The following FBXL17 variants were observed in gnomAD, a reference collection of about 807,000 sequenced individuals.
FBXL17 encodes F-box and leucine rich repeat protein 17, also known as F-box/LRR-repeat protein 17.
Under a neutral mutation model 66.2 loss-of-function variants are expected in FBXL17, and 22 were observed. That is an observed-to-expected ratio of 0.33 (90% confidence interval 0.24 to 0.47). FBXL17 has a LOEUF of 0.47. FBXL17 is among the 20% of genes least tolerant of loss of function. The pLI is 1.00. For synonymous variants in FBXL17, 474 were observed against 400.5 expected (o/e 1.18, Z -2.19); for missense variants, 878 against 948.2 (o/e 0.93, Z 0.97).
chr5:108,091,952 A>G (rs1405702109), intron 6 of FBXL17, among the ~76,000 whole-genome samples: 3 of 152,226 alleles, frequency 2.0e-5, no homozygotes, highest in Non-Finnish European at 4.4e-5. Context: ...AATATATAAC[A>G]GCATGTTTTC....
At chr5:108,126,810 T>G (rs1022896530) in intron 6 of FBXL17, among the ~76,000 whole-genome samples, 5 of 151,654 alleles carry the variant, frequency 3.3e-5, no homozygotes, top group Non-Finnish European at 2.9e-5. Context: ...TAGTCTATTC[T>G]TTAATTCACC....
intron 6 of FBXL17, among the ~76,000 whole-genome samples, chr5:108,078,470 G>A (rs2149916155): frequency 6.6e-6 from 1 of 152,286 alleles, no homozygotes; most frequent in East Asian, 1.9e-4. Flanking sequence ...CAGAAAGCCA[G>A]CAAACAGAAG....
intron 4 of FBXL17, among the ~76,000 whole-genome samples, chr5:108,250,597 T>G (rs762794111): frequency 1.6e-4 from 25 of 152,098 alleles, no homozygotes; most frequent in Non-Finnish European, 1.3e-4. Flanking sequence ...GATGAAGAGA[T>G]AGAAATTCTG....
At chr5:108,179,300 G>C (rs1752910621) in intron 6 of FBXL17, among the ~76,000 whole-genome samples, 1 of 152,098 alleles carries the variant, frequency 6.6e-6, no homozygotes, top group African/African-American at 2.4e-5. Context: ...AGGGGAGTTA[G>C]AAAAATCTTT....
chr5:108,057,384 A>G (rs1370630820), intron 6 of FBXL17, among the ~76,000 whole-genome samples: 1 of 152,206 alleles, frequency 6.6e-6, no homozygotes, highest in Non-Finnish European at 1.5e-5. Flanking sequence ...TCATGTAGGA[A>G]TTTAAAGACA....
At chr5:108,182,933 T>A (rs1753064629) in intron 6 of FBXL17, among the ~76,000 whole-genome samples, 1 of 152,228 alleles carries the variant, frequency 6.6e-6, no homozygotes, top group South Asian at 2.1e-4. Context: ...GTATCTTATT[T>A]ATCAATTATA....
At position 108,123,751 on chromosome 5, in the gene FBXL17, T is replaced by A. The variant is rs369305655; in HGVS notation, c.1745+62366A>T. Among the ~76,000 whole-genome samples, 38 of 152,188 alleles carry A rather than the reference T, an allele frequency of 2.5e-4. No homozygotes were observed. In the South Asian group the frequency reaches 7.7e-3, roughly 31 times the overall value. On this transcript the variant is annotated intron_variant, in intron 6 of 8. Coordinates refer to ENST00000542267, the MANE Select transcript of FBXL17 (RefSeq NM_001163315.3). ...ACCAATGGAGCACACACAAAAAAAA[T>A]CACTGCAAAATATGAGATCTCCTAG...
chr5:107,933,766 T>C (rs1750806687), intron 7 of FBXL17, among the ~76,000 whole-genome samples: 2 of 152,162 alleles, frequency 1.3e-5, no homozygotes, highest in Non-Finnish European at 2.9e-5. Context: ...AAATCTGTGA[T>C]TTATTCTAGG....
At chr5:107,937,654 C>A (rs535717255) in intron 7 of FBXL17, among the ~76,000 whole-genome samples, 1 of 152,216 alleles carries the variant, frequency 6.6e-6, no homozygotes, top group East Asian at 1.9e-4. Flanking sequence ...AGAAACTGTA[C>A]CTTTATTTCT....
At chr5:108,295,459 A>C (rs866022335) in intron 4 of FBXL17, among the ~76,000 whole-genome samples, 10 of 151,992 alleles carry the variant, frequency 6.6e-5, no homozygotes, top group African/African-American at 1.9e-4. Flanking sequence ...GAATTAAGTA[A>C]ATTGTTCAAG....
At chr5:108,256,359 TTTTTA>T (rs1329383689) in intron 4 of FBXL17, among the ~76,000 whole-genome samples, 1 of 152,210 alleles carries the variant, frequency 6.6e-6, no homozygotes, top group African/African-American at 2.4e-5. Context: ...AAAGTTTATT[TTTTTA>T]TTTATTTCAT....
intron 7 of FBXL17, among the ~76,000 whole-genome samples, chr5:107,963,717 C>G (rs1226369891): frequency 6.6e-6 from 1 of 152,014 alleles, no homozygotes; most frequent in Admixed American, 6.6e-5. Flanking sequence ...CCTCCATTTA[C>G]TATAAAATAC....
chr5:108,024,797 A>G (rs569036699), intron 6 of FBXL17, among the ~76,000 whole-genome samples: 3 of 152,300 alleles, frequency 2.0e-5, no homozygotes, highest in Non-Finnish European at 4.4e-5. Context: ...GAAACATTTG[A>G]TGAAATATGA....
intron 4 of FBXL17, among the ~76,000 whole-genome samples, chr5:108,293,441 G>A (rs2150165976): frequency 6.6e-6 from 1 of 152,148 alleles, no homozygotes; most frequent in East Asian, 1.9e-4. Context: ...AAATAATATT[G>A]GAATACTTCT....
intron 5 of FBXL17, among the ~76,000 whole-genome samples, chr5:108,190,245 C>CA (rs1025164033): frequency 3.3e-5 from 5 of 152,220 alleles, no homozygotes; most frequent in African/African-American, 1.2e-4. Context: ...CTTATGCTCA[C>CA]AAAAGCACAG....
chr5:108,251,458 T>C (rs1756346941), intron 4 of FBXL17, among the ~76,000 whole-genome samples: 1 of 152,068 alleles, frequency 6.6e-6, no homozygotes, highest in African/African-American at 2.4e-5. Context: ...TTACAGACAC[T>C]TAAATGCTTG....
chr5:108,284,894 C>G (rs1032054810), intron 4 of FBXL17, among the ~76,000 whole-genome samples: 9 of 151,802 alleles, frequency 5.9e-5, no homozygotes, highest in Non-Finnish European at 5.9e-5. Flanking sequence ...ATGAACTCTT[C>G]ATGAAAGATT....
chr5:108,293,003 G>A (rs931578811), intron 4 of FBXL17, among the ~76,000 whole-genome samples: 3 of 151,606 alleles, frequency 2.0e-5, no homozygotes, highest in African/African-American at 7.3e-5. Flanking sequence ...AGGCAGAATG[G>A]CGTGAACCCG....
At chr5:108,013,847 T>C (rs539265992) in intron 7 of FBXL17, among the ~76,000 whole-genome samples, 14 of 152,258 alleles carry the variant, frequency 9.2e-5, no homozygotes, top group Admixed American at 7.9e-4. Context: ...GTTCTCGTAA[T>C]AGAGAACTCA....
Sources: gnomAD v4.1 joint callset for allele counts (sites outside exome capture counted in the v4.1 genomes callset) on GRCh38, gnomAD v4.1.1 for gene constraint, MANE v1.5 for transcripts, NCBI Gene and HGNC (gene_info 2026-07-23, HGNC 2026-07-21) for gene names.